Variants in TMEM132D observed in about 807,000 individuals in gnomAD.
TMEM132D encodes mature OL transmembrane protein.
Under a neutral mutation model 62.3 loss-of-function variants are expected in TMEM132D, and 21 were observed. The observed-to-expected ratio is 0.34, with a 90% confidence interval of 0.24 to 0.49. The LOEUF (loss-of-function observed/expected upper bound fraction) is 0.49. TMEM132D is among the 20% of genes least tolerant of loss of function. TMEM132D has a pLI of 0.99. For synonymous variants in TMEM132D, 621 were observed against 575.6 expected (o/e 1.08, Z -1.13); for missense variants, 1,346 against 1,402.8 (o/e 0.96, Z 0.65).
At position 129,475,836 on chromosome 12, in the gene TMEM132D, T is replaced by C. The variant is rs147176937; in HGVS notation, c.1115+55223A>G. 5.3e-5 allele frequency among the ~76,000 whole-genome samples: 8 copies of C among 152,234 alleles called. No individual in the cohort carries two copies. The East Asian group carries it at 5.9e-4, about 11-fold the overall frequency. ...TGCAGTGATGGAATATTCTGGAAAG[T>C]TGAACAACTTTTGAAAAAGTTCTAG... On this transcript the variant is annotated intron_variant, in intron 3 of 8. Coordinates refer to ENST00000422113, the MANE Select transcript of TMEM132D (RefSeq NM_133448.3).
chr12:129,764,785 T>G (rs1031727696), intron 1 of TMEM132D, among the ~76,000 whole-genome samples: 4 of 151,908 alleles, frequency 2.6e-5, no homozygotes, highest in African/African-American at 9.7e-5. Flanking sequence ...TACAAACAAA[T>G]TAAAAAATTA....
At chr12:129,860,787 C>CT (rs2137367781) in intron 1 of TMEM132D, among the ~76,000 whole-genome samples, 1 of 152,246 alleles carries the variant, frequency 6.6e-6, no homozygotes, top group Non-Finnish European at 1.5e-5. Context: ...CAAACGTGTC[C>CT]TTTTTCACAG....
intron 1 of TMEM132D, among the ~76,000 whole-genome samples, chr12:129,800,976 T>C (rs1256585670): frequency 6.6e-6 from 1 of 152,118 alleles, no homozygotes; most frequent in Non-Finnish European, 1.5e-5. Flanking sequence ...GAAAATCAGG[T>C]CACTCCCACC....
intron 3 of TMEM132D, among the ~76,000 whole-genome samples, chr12:129,425,623 G>A (rs1014030223): frequency 1.3e-5 from 2 of 152,186 alleles, no homozygotes; most frequent in African/African-American, 4.8e-5. Context: ...TCTGTTTCTG[G>A]AGTGGAATGT....
intron 1 of TMEM132D, among the ~76,000 whole-genome samples, chr12:129,882,585 TAGA>T (rs1408175220): frequency 1.3e-5 from 2 of 152,072 alleles, no homozygotes; most frequent in Non-Finnish European, 2.9e-5. Flanking sequence ...TTAAAATAGC[TAGA>T]AGAAGGACAT....
At chr12:129,701,104 G>A (rs929670911) in intron 1 of TMEM132D, among the ~76,000 whole-genome samples, 1 of 152,142 alleles carries the variant, frequency 6.6e-6, no homozygotes, top group South Asian at 2.1e-4. Context: ...CCGTCCCATT[G>A]ACTCAACACA....
chr12:129,748,803 C>G (rs946123374), intron 1 of TMEM132D, among the ~76,000 whole-genome samples: 1 of 152,138 alleles, frequency 6.6e-6, no homozygotes, highest in African/African-American at 2.4e-5. Context: ...AGGTGTTTAT[C>G]CAAGAAAGTA....
At chr12:129,510,775 T>A (rs1593044032) in intron 3 of TMEM132D, among the ~76,000 whole-genome samples, 1 of 152,260 alleles carries the variant, frequency 6.6e-6, no homozygotes, top group East Asian at 1.9e-4. Context: ...TTTTTTGCCA[T>A]TTCTTTCAGC....
intron 3 of TMEM132D, among the ~76,000 whole-genome samples, chr12:129,432,172 T>TGGAC (rs1872674967): frequency 7.7e-6 from 1 of 129,700 alleles, no homozygotes; most frequent in African/African-American, 3.0e-5. Context: ...GATGGATGGA[T>TGGAC]GGATGGATGG....
At chr12:129,580,356 C>A (rs901166786) in intron 2 of TMEM132D, among the ~76,000 whole-genome samples, 1 of 152,136 alleles carries the variant, frequency 6.6e-6, no homozygotes, top group East Asian at 1.9e-4. Context: ...GAGTTGAAAT[C>A]GAGAGAACTT....
chr12:129,557,651 G>A (rs1172734551), intron 2 of TMEM132D, among the ~76,000 whole-genome samples: 4 of 152,188 alleles, frequency 2.6e-5, no homozygotes, highest in African/African-American at 7.2e-5. Context: ...TGGAGATGGA[G>A]GTTGCAGTGA....
chr12:129,338,879 A>C (rs1283666139), intron 3 of TMEM132D, among the ~76,000 whole-genome samples: 1 of 152,198 alleles, frequency 6.6e-6, no homozygotes, highest in Non-Finnish European at 1.5e-5. Context: ...TGGGGCTTCC[A>C]GGGAGCCTTG....
chr12:129,875,714 T>C (rs554561699), intron 1 of TMEM132D, among the ~76,000 whole-genome samples: 3 of 152,238 alleles, frequency 2.0e-5, no homozygotes, highest in East Asian at 1.9e-4. Context: ...GGGAAAAGCA[T>C]GCGCCTCATC....
At chr12:129,567,603 A>C (rs1469971432) in intron 2 of TMEM132D, among the ~76,000 whole-genome samples, 1 of 152,202 alleles carries the variant, frequency 6.6e-6, no homozygotes, top group African/African-American at 2.4e-5. Flanking sequence ...GGTATCTGCT[A>C]AGTCAGACAT....
intron 2 of TMEM132D, among the ~76,000 whole-genome samples, chr12:129,590,028 C>T (rs926002175): frequency 9.2e-5 from 14 of 152,194 alleles, no homozygotes; most frequent in Admixed American, 5.9e-4. Flanking sequence ...TTAGTTACCA[C>T]TTAGCCAGGA....
At chr12:129,394,270 G>A (rs1871362118) in intron 3 of TMEM132D, among the ~76,000 whole-genome samples, 1 of 152,124 alleles carries the variant, frequency 6.6e-6, no homozygotes, top group Non-Finnish European at 1.5e-5. Flanking sequence ...ATCCTCTGCT[G>A]TCCACTGTTC....
At chr12:129,085,147 C>T (rs1874577849) in intron 5 of TMEM132D, 1 of 203,370 alleles carries the variant, frequency 4.9e-6, no homozygotes, top group Non-Finnish European at 9.8e-6. Context: ...GACCCATGCA[C>T]AGCACAGCTC....
intron 2 of TMEM132D, among the ~76,000 whole-genome samples, chr12:129,636,737 T>TGTGTGTGTGTGTGTGTGTGTGAGAGAGA (rs375868329): frequency 8.8e-6 from 1 of 113,560 alleles, no homozygotes; most frequent in African/African-American, 3.3e-5. Flanking sequence ...TGTGTGTGTG[T>TGTGTGTGTGTGTGTGTGTGTGAGAGAGA]GAGAGAGAGA....
chr12:129,768,391 G>A (rs151285346), intron 1 of TMEM132D, among the ~76,000 whole-genome samples: 50 of 152,014 alleles, frequency 3.3e-4, no homozygotes, highest in Non-Finnish European at 1.0e-4. Flanking sequence ...AGTGGCCATC[G>A]TAATGGGTGT....
Sources: allele counts gnomAD v4.1 joint callset (sites outside exome capture counted in the v4.1 genomes callset), GRCh38; gene constraint gnomAD v4.1.1; transcripts MANE v1.5; gene names NCBI Gene and HGNC (gene_info 2026-07-23, HGNC 2026-07-21).